Variants in MYO5A observed in about 807,000 individuals in gnomAD.
MYO5A encodes myosin VA.
In MYO5A, 98 loss-of-function variants were observed where a neutral mutation model predicts 249.7. That is an observed-to-expected ratio of 0.39 (90% confidence interval 0.33 to 0.46). The LOEUF (loss-of-function observed/expected upper bound fraction) is 0.46, where lower values mean the gene tolerates loss of function less well. MYO5A is among the 20% of genes least tolerant of loss of function. The pLI is 0.98. For synonymous variants in MYO5A, 778 were observed against 810.6 expected (o/e 0.96, Z 0.68); for missense variants, 1,696 against 2,308.8 (o/e 0.73, Z 5.44).
At chr15:52,489,421 G>A (rs1026701236) in intron 1 of MYO5A, among the ~76,000 whole-genome samples, 5 of 151,820 alleles carry the variant, frequency 3.3e-5, no homozygotes, top group Non-Finnish European at 4.4e-5. Context: ...AAAATTAGCC[G>A]GGCGTGGTGG....
At chr15:52,411,460 T>A (rs866299669) in intron 5 of MYO5A, among the ~76,000 whole-genome samples, 3 of 152,136 alleles carry the variant, frequency 2.0e-5, no homozygotes, top group African/African-American at 2.4e-5. Flanking sequence ...AAATGTTTTA[T>A]ATAACCTTAA....
At chr15:52,528,908 A>G (rs1456170487), upstream of MYO5A, 3 of 1,185,270 alleles carry the variant, frequency 2.5e-6, no homozygotes, top group Non-Finnish European at 3.2e-6. Context: ...GCCGGCAGGG[A>G]GCAGGGCAGG....
chr15:52,439,016 C>G (rs868212315), intron 1 of MYO5A, among the ~76,000 whole-genome samples: 4 of 152,240 alleles, frequency 2.6e-5, no homozygotes, highest in African/African-American at 9.6e-5. Flanking sequence ...GCTAAGTGCC[C>G]GGGTTCGTCC....
chr15:52,341,944 G>A (rs1254026981), intron 31 of MYO5A, among the ~76,000 whole-genome samples: 2 of 152,148 alleles, frequency 1.3e-5, no homozygotes, highest in Admixed American at 6.5e-5. Flanking sequence ...TAATTATTCT[G>A]AGCTATAGCA....
chr15:52,448,957 CTTTTTTTTTTTTTTTTT>C (rs145765339), intron 1 of MYO5A, among the ~76,000 whole-genome samples: 15 of 55,582 alleles, frequency 2.7e-4, no homozygotes, highest in Admixed American at 5.0e-4. Context: ...TCTTGTCTTT[CTTTTTTTTTTTTTTTTT>C]TTTTTTTTTT....
intron 12 of MYO5A, among the ~76,000 whole-genome samples, chr15:52,389,900 G>A (rs2042142552): frequency 6.6e-6 from 1 of 152,158 alleles, no homozygotes; most frequent in African/African-American, 2.4e-5. Context: ...GTTGCAGTGA[G>A]CAGAGGTCAC....
At chr15:52,486,936 G>A (rs2076833970) in intron 1 of MYO5A, among the ~76,000 whole-genome samples, 1 of 152,184 alleles carries the variant, frequency 6.6e-6, no homozygotes. Flanking sequence ...CAGCATAAGG[G>A]ATATGGGCTT....
chr15:52,438,679 TA>T (rs1250131430), intron 1 of MYO5A, among the ~76,000 whole-genome samples: 1 of 152,214 alleles, frequency 6.6e-6, no homozygotes. Context: ...ATCTATCGCC[TA>T]AGAGCACAGC....
chr15:52,316,041 T>C (rs4606660), intron 40 of MYO5A, among the ~76,000 whole-genome samples: 72,677 of 151,134 alleles, frequency 0.48, 21,010 homozygotes, highest in Non-Finnish European at 0.63. Context: ...GAGACCATCC[T>C]GGTTAACATG....
In MYO5A at chr15:52,428,566, A is replaced by G; in HGVS notation, c.142T>C (p.Leu48=). 6.2e-7 allele frequency: 1 copy of G among 1,614,154 alleles called. No homozygotes were observed. The highest frequency in any genetic ancestry group is 8.5e-7 in the Non-Finnish European group (1 of 1,179,998). Residue 48 remains leucine (L), a synonymous_variant, in exon 3 of 42, where the codon TTG becomes CTG. Transcript: ENST00000399233. ...LLLHLEEGKD[L]EYHLDPKTKE... The stretch of plus-strand genomic sequence containing the variant: ...GTCTTTGGATCTAGATGGTATTCCA[A>G]ATCCTGAAAATGCACAAGGCACAGC...
chr15:52,471,319 C>T (rs182961943), intron 1 of MYO5A, among the ~76,000 whole-genome samples: 103 of 152,056 alleles, frequency 6.8e-4, no homozygotes, highest in African/African-American at 2.3e-3. Flanking sequence ...AAAATCAGTT[C>T]GGGGCCAGGT....
Position 52,428,580 on chromosome 15 carries a change from A to AC in MYO5A, c.139-12dup. On this transcript the variant is annotated splice_polypyrimidine_tract_variant and intron_variant, in intron 2 of 41. Transcript: ENST00000399233. Reference sequence around the variant, plus strand: ...ATGGTATTCCAAATCCTGAAAATGCACAAGGCACAGCATCTGGATGAATTA... The same window carrying AC: ...ATGGTATTCCAAATCCTGAAAATGCACCAAGGCACAGCATCTGGATGAATTA... 1 of 1,614,024 alleles carries AC rather than the reference A, an allele frequency of 6.2e-7. No homozygotes were observed. Among genetic ancestry groups the AC allele is most frequent in the Non-Finnish European group, 8.5e-7 (1 of 1,179,896 alleles).
At chr15:52,383,230 A>G in intron 15 of MYO5A, 42 bp from the exon 16 acceptor site, 2 of 1,483,840 alleles carry the variant, frequency 1.3e-6, no homozygotes, top group Non-Finnish European at 1.9e-6. Flanking sequence ...GGCTTTGTCC[A>G]AAGTCAAAGG....
At chr15:52,329,024 C>A (rs1185188316) in intron 35 of MYO5A, 1 of 152,156 alleles carries the variant, frequency 6.6e-6, no homozygotes, top group Non-Finnish European at 1.5e-5. Context: ...ATTCTTTTTA[C>A]TCCATCATAT....
chr15:52,450,294 G>T (rs1463350614), intron 1 of MYO5A, among the ~76,000 whole-genome samples: 1 of 151,938 alleles, frequency 6.6e-6, no homozygotes, highest in Non-Finnish European at 1.5e-5. Flanking sequence ...TATATGTGAA[G>T]TACTCAGAAC....
At position 52,369,142 on chromosome 15, in the gene MYO5A, A is replaced by G. The variant is rs1352454380; in HGVS notation, c.3066+1027T>C. Among the ~76,000 whole-genome samples, 3 of 152,190 alleles carry G rather than the reference A, an allele frequency of 2.0e-5. No individual in the cohort carries two copies. The East Asian group carries it at 5.8e-4, about 29-fold the overall frequency. ...GATATAGGAGGAATTACTTTACTGG[A>G]ACCTGTAATGCCATGGAAGGACTGC... On this transcript the variant is annotated intron_variant, in intron 22 of 41. Coordinates refer to ENST00000399233, the MANE Select transcript of MYO5A (RefSeq NM_001382347.1).
chr15:52,464,181 C>T lies in MYO5A; in HGVS notation c.28-30896G>A, dbSNP rs1595731912. Among the ~76,000 whole-genome samples, 10 of 152,176 alleles carry T rather than the reference C, an allele frequency of 6.6e-5. No individual in the cohort carries two copies. The South Asian group carries it at 1.2e-3, about 19-fold the overall frequency. On this transcript the variant is annotated intron_variant, in intron 1 of 41. Transcript: ENST00000399233. ...GTTTTGTCGCCAGCCCAACCCCAGGCCAAACCCCGATTCAGGTACCTCATT... is the reference window on the plus strand; with the variant it reads ...GTTTTGTCGCCAGCCCAACCCCAGGTCAAACCCCGATTCAGGTACCTCATT...
intron 9 of MYO5A, among the ~76,000 whole-genome samples, chr15:52,401,995 C>T (rs1212897672): frequency 6.6e-6 from 1 of 152,088 alleles, no homozygotes; most frequent in African/African-American, 2.4e-5. Context: ...TCTCCTAGCT[C>T]CTTCTATTTT....
chr15:52,456,042 ATCT>A (rs781767740), intron 1 of MYO5A, among the ~76,000 whole-genome samples: 2 of 152,168 alleles, frequency 1.3e-5, no homozygotes, highest in Non-Finnish European at 2.9e-5. Context: ...AGATGACATG[ATCT>A]TATTATTTAG....
Sources: allele counts gnomAD v4.1 joint callset (sites outside exome capture counted in the v4.1 genomes callset), GRCh38; gene constraint gnomAD v4.1.1; transcripts MANE v1.5; gene names NCBI Gene and HGNC (gene_info 2026-07-23, HGNC 2026-07-21).